The following CSMD1 variants were observed in gnomAD, a reference collection of about 807,000 sequenced individuals.
CSMD1 encodes the protein CUB and sushi domain-containing protein 1.
In CSMD1, 213 loss-of-function variants were observed where a neutral mutation model predicts 417.5. The observed-to-expected ratio is 0.51, with a 90% CI of 0.46 to 0.57. The LOEUF is 0.57. CSMD1 is among the 20% of genes least tolerant of loss of function. The probability of loss-of-function intolerance (pLI) is 0.00; values close to 1 mark genes in which losing one functional copy is unlikely to be tolerated. For missense variants in CSMD1, 6,923 were observed against 4,529.7 expected (o/e 1.53, Z -15.17); for synonymous variants, 2,862 against 1,736.8 (o/e 1.65, Z -16.11).
chr8:4,166,902 C>T (rs1584945052), intron 3 of CSMD1, among the ~76,000 whole-genome samples: 1 of 152,188 alleles, frequency 6.6e-6, no homozygotes, highest in African/African-American at 2.4e-5. Flanking sequence ...GCAGCAGCAG[C>T]CTCATTTTGA....
At chr8:4,877,359 T>C (rs1232233750) in intron 1 of CSMD1, among the ~76,000 whole-genome samples, 2 of 152,234 alleles carry the variant, frequency 1.3e-5, no homozygotes, top group Middle Eastern at 3.4e-3. Context: ...TTATTTTACA[T>C]TTCTGTTTAT....
intron 3 of CSMD1, among the ~76,000 whole-genome samples, chr8:4,245,752 C>A (rs1023603345): frequency 1.3e-5 from 2 of 151,866 alleles, no homozygotes. Flanking sequence ...TAAGTCAGGC[C>A]GTATCACCCA....
chr8:4,469,812 G>A (rs188418015), intron 2 of CSMD1, among the ~76,000 whole-genome samples: 21 of 151,960 alleles, frequency 1.4e-4, no homozygotes, highest in African/African-American at 4.8e-4. Context: ...CTCACGGAGG[G>A]AACCCAAAGT....
chr8:3,336,753 T>A (rs912851262), intron 23 of CSMD1, among the ~76,000 whole-genome samples: 3 of 152,054 alleles, frequency 2.0e-5, no homozygotes, highest in Non-Finnish European at 4.4e-5. Context: ...AGATTCAGAG[T>A]CCCGCCCCCA....
chr8:3,275,823 C>G (rs1026626547), intron 26 of CSMD1, among the ~76,000 whole-genome samples: 1 of 152,028 alleles, frequency 6.6e-6, no homozygotes, highest in Non-Finnish European at 1.5e-5. Context: ...TCTAGTTATA[C>G]ATTCTTCTAA....
At chr8:4,157,551 G>C (rs1261397491) in intron 3 of CSMD1, among the ~76,000 whole-genome samples, 6 of 152,112 alleles carry the variant, frequency 3.9e-5, no homozygotes, top group African/African-American at 1.4e-4. Flanking sequence ...GTCAATGACT[G>C]TGTTGTCATT....
chr8:4,152,205 A>G (rs1040258293), intron 3 of CSMD1, among the ~76,000 whole-genome samples: 2 of 152,212 alleles, frequency 1.3e-5, no homozygotes, highest in Non-Finnish European at 2.9e-5. Flanking sequence ...TTGGAGAAGA[A>G]GGAACACCAT....
At chr8:4,457,693 TG>T (rs1240606885) in intron 2 of CSMD1, among the ~76,000 whole-genome samples, 3 of 152,174 alleles carry the variant, frequency 2.0e-5, no homozygotes, top group African/African-American at 7.2e-5. Flanking sequence ...GAGGTTCACA[TG>T]GGAGAGGCAG....
At chr8:3,699,225 C>T (rs1490138391) in intron 7 of CSMD1, among the ~76,000 whole-genome samples, 7 of 152,228 alleles carry the variant, frequency 4.6e-5, no homozygotes, top group South Asian at 2.1e-4. Flanking sequence ...TGTAGACTGA[C>T]AATTAGTTTT....
At position 3,855,340 on chromosome 8, in the gene CSMD1, A is replaced by T. The variant is rs189806074; in HGVS notation, c.819-101298T>A. Among the ~76,000 whole-genome samples the T allele has an allele frequency of 1.1e-3, 160 of 152,362 alleles. 1 individual carries two copies. Among genetic ancestry groups the T allele is most frequent in the Middle Eastern group, 3.4e-3 (1 of 294 alleles). On this transcript the variant is annotated intron_variant, in intron 5 of 69. Transcript: ENST00000635120. ...TCTATATTTTTTCATCCAGAAGGAA[A>T]TACACTCACATCCTAATTTTAATTT...
intron 3 of CSMD1, among the ~76,000 whole-genome samples, chr8:4,075,785 G>A (rs554861436): frequency 2.6e-5 from 4 of 152,146 alleles, no homozygotes; most frequent in Admixed American, 2.6e-4. Context: ...GGTTTCTCAA[G>A]AGGTTGTGAT....
At chr8:3,752,334 A>T (rs1308774828) in intron 6 of CSMD1, among the ~76,000 whole-genome samples, 1 of 152,154 alleles carries the variant, frequency 6.6e-6, no homozygotes, top group African/African-American at 2.4e-5. Context: ...GCAATCTAAG[A>T]TGGACAATGT....
intron 3 of CSMD1, among the ~76,000 whole-genome samples, chr8:4,330,094 A>T (rs181679782): frequency 1.3e-5 from 2 of 152,000 alleles, no homozygotes; most frequent in Admixed American, 6.6e-5. Flanking sequence ...CAATGCAAGA[A>T]CAGTCCAATA....
At chr8:4,938,086 C>T (rs1333590046) in intron 1 of CSMD1, among the ~76,000 whole-genome samples, 2 of 151,958 alleles carry the variant, frequency 1.3e-5, no homozygotes, top group Non-Finnish European at 2.9e-5. Context: ...AATTTTATCC[C>T]TTTTAGTAGC....
intron 7 of CSMD1, among the ~76,000 whole-genome samples, chr8:3,650,499 C>G (rs777369506): frequency 6.6e-6 from 1 of 152,086 alleles, no homozygotes; most frequent in African/African-American, 2.4e-5. Context: ...CTGGTGGGAC[C>G]AGGGGCTACT....
At chr8:3,699,703 C>A (rs923119446) in intron 7 of CSMD1, among the ~76,000 whole-genome samples, 1 of 152,184 alleles carries the variant, frequency 6.6e-6, no homozygotes, top group African/African-American at 2.4e-5. Flanking sequence ...ATAATTTCCC[C>A]TGGAGAAGGA....
At chr8:3,399,856 T>A (rs560400338) in intron 15 of CSMD1, among the ~76,000 whole-genome samples, 7 of 152,336 alleles carry the variant, frequency 4.6e-5, no homozygotes, top group East Asian at 1.9e-4. Flanking sequence ...ATAGTTTACA[T>A]GCATTTGGAA....
At chr8:3,653,233 T>C (rs1194092075) in intron 7 of CSMD1, among the ~76,000 whole-genome samples, 1 of 152,092 alleles carries the variant, frequency 6.6e-6, no homozygotes, top group African/African-American at 2.4e-5. Flanking sequence ...ATTTTTTACA[T>C]TGTCTCATAT....
At chr8:4,092,607 C>G (rs960536870) in intron 3 of CSMD1, among the ~76,000 whole-genome samples, 1 of 152,116 alleles carries the variant, frequency 6.6e-6, no homozygotes, top group Non-Finnish European at 1.5e-5. Context: ...TCATCTTAAG[C>G]AATTATGAGA....
Sources: allele counts gnomAD v4.1 joint callset (sites outside exome capture counted in the v4.1 genomes callset), GRCh38; gene constraint gnomAD v4.1.1; transcripts MANE v1.5; gene names NCBI Gene and HGNC (gene_info 2026-07-23, HGNC 2026-07-21).